Variants in STK36 observed in about 807,000 individuals in gnomAD.
STK36 encodes serine/threonine kinase 36.
A neutral mutation model predicts 142.2 loss-of-function variants in STK36; 116 were observed. The ratio of observed to expected loss-of-function variants is 0.82; its 90% CI spans 0.70 to 0.95. The LOEUF (loss-of-function observed/expected upper bound fraction) is 0.95. Among genes scored for constraint, STK36 ranks in the 40% least tolerant of loss-of-function variants. STK36 has a pLI of 0.00. For missense variants in STK36, 1,422 were observed against 1,617.2 expected, an observed-to-expected ratio of 0.88 and a Z score of 2.07; for synonymous variants, 619 against 641.7, an observed-to-expected ratio of 0.96 and a Z score of 0.53.
chr2:218,692,905 A>G (rs1941070914), intron 16 of STK36, among the ~76,000 whole-genome samples, 195 bp downstream of exon 16: 1 of 152,202 alleles, frequency 6.6e-6, no homozygotes. Context: ...CCAGTTGGTG[A>G]GGGAGAGAGC....
rs563717154 is a variant in STK36, at chr2:218,679,611, T to C, written c.830T>C (p.Leu277Pro). 6.2e-7 allele frequency: 1 copy of C among 1,614,166 alleles called. No individual in the cohort carries two copies. The highest frequency in any genetic ancestry group is 1.3e-5 in the African/African-American group (1 of 75,042). The change falls in exon 8 of 27, where the codon CTA becomes CCA. Residue 277 changes from leucine to proline, a missense_variant. Physicochemically the swap from Leu to Pro is moderately conservative, Grantham distance 98 (BLOSUM62 -3). Around this residue, in one of 2 missense-constraint regions of STK36, gnomAD observed 460 missense variants for 449.6 expected, o/e 1.02. Transcript: ENST00000295709. ...TTGGGGACCCCATTCACCAGCCGCC[T>C]ACCCCCAGAACTTCAGGTCCTAAAG... The part of the protein sequence containing the change: ...PDLGTPFTSR[L>P]PPELQVLKDE...
chr2:218,698,522 C>T (rs1941319049), intron 25 of STK36, 80 bp from the exon 26 acceptor site: 4 of 1,526,666 alleles, frequency 2.6e-6, no homozygotes, highest in Admixed American at 2.0e-5. Flanking sequence ...CTTGGCTTTT[C>T]TCTCTCCCAG....
At position 218,690,482 on chromosome 2, in the gene STK36, T is replaced by C. The variant is rs1940956648; in HGVS notation, c.1691T>C (p.Phe564Ser). Reference sequence around the variant, plus strand: ...GTGTTTCAGGAGGCTGCCAACCTTTTTCTGGACCTGTTGGGGAAACTGCTG... The same window carrying C: ...GTGTTTCAGGAGGCTGCCAACCTTTCTCTGGACCTGTTGGGGAAACTGCTG... ...LQVFQEAANLFLDLLGKLLAQ... is the reference protein window; with the variant it reads ...LQVFQEAANLSLDLLGKLLAQ... The change falls in exon 14 of 27, where the codon TTT becomes TCT. Residue 564 changes from phenylalanine (F) to serine (S), a missense_variant. By Grantham distance (155) the Phe-to-Ser change is radical (BLOSUM62 -2). Coordinates refer to ENST00000295709, the MANE Select transcript of STK36 (RefSeq NM_015690.5). 6.2e-7 allele frequency: 1 copy of C among 1,614,146 alleles called. No individual in the cohort carries two copies. Among genetic ancestry groups the C allele is most frequent in the Non-Finnish European group, 8.5e-7 (1 of 1,180,016 alleles).
At chr2:218,698,493 G>C (rs934159777) in intron 25 of STK36, 109 bp from the exon 26 acceptor site, 9 of 1,376,526 alleles carry the variant, frequency 6.5e-6, no homozygotes, top group Non-Finnish European at 8.9e-6. Flanking sequence ...CCAGCTCTCT[G>C]TGGCATTTCT....
Position 218,694,028 on chromosome 2 carries a change from A to G in STK36, c.2336+45A>G. ...GTCTCCACAGAAGTCTTCTAGCCAC[A>G]TAGCTAACCCTCACAAAGAGTATGG... On this transcript the variant is annotated intron_variant, in intron 19 of 26. Transcript: ENST00000295709. This position sits in a 1 kb window ranked among gnomAD's most constrained non-coding sequence, Gnocchi z 4.4. 6.4e-7 allele frequency: 1 copy of G among 1,572,852 alleles called. No individual in the cohort carries two copies. Among genetic ancestry groups the G allele is most frequent in the Non-Finnish European group, 8.8e-7 (1 of 1,142,620 alleles).
intron 5 of STK36, 47 bp downstream of exon 5, chr2:218,675,520 C>CTTTT (rs33970984): frequency 5.6e-5 from 64 of 1,148,056 alleles, no homozygotes; most frequent in East Asian, 6.9e-5. Context: ...CACACGGAAT[C>CTTTT]TTTTTTTTTT....
chr2:218,695,527 CTTTT>C (rs964956273), intron 21 of STK36, among the ~76,000 whole-genome samples: 1 of 73,050 alleles, frequency 1.4e-5, no homozygotes, highest in Non-Finnish European at 2.4e-5. Flanking sequence ...CATGTCCAGT[CTTTT>C]TTTTTTTTTT....
chr2:218,697,515 G>A lies in STK36; in HGVS notation c.2814G>A (p.Gln938=). Residue 938 remains glutamine (Q), a synonymous_variant, in exon 24 of 27, where the codon CAG becomes CAA. Transcript: ENST00000295709. The part of the protein sequence containing the change: ...LAMATFTQEP[Q]LCLSCLSQHG... Reference sequence around the variant, plus strand: ...TGGCCACCTTTACCCAGGAGCCCCAGTTATGCCTGAGCTGCCTGTCCCAGC... The same window carrying A: ...TGGCCACCTTTACCCAGGAGCCCCAATTATGCCTGAGCTGCCTGTCCCAGC... 6.2e-7 allele frequency: 1 copy of A among 1,614,226 alleles called. No individual in the cohort carries two copies. The highest frequency in any genetic ancestry group is 8.5e-7 in the Non-Finnish European group (1 of 1,180,044).
chr2:218,672,288 A>G, intron 1 of STK36, 73 bp downstream of exon 1: 1 of 466,244 alleles, frequency 2.1e-6, no homozygotes, highest in Non-Finnish European at 3.9e-6. Context: ...CAACGTATGC[A>G]GGCAGCCAGA....
In STK36 at chr2:218,698,921, GGGCACACACTTATAGGCTC is replaced by G. The variant is rs1941340387; in HGVS notation, c.3378_3396del (p.Ala1127TrpfsTer65). ...CTGGGCCACCCAGAGAATTCTGTGC[GGGCACACACTTATAGGCTC>G]CTGGGACACTTGCTCCAACACAGCA... On this transcript the variant is annotated frameshift_variant, in exon 26 of 27. Coordinates refer to ENST00000295709, the MANE Select transcript of STK36 (RefSeq NM_015690.5). LOFTEE classifies it high-confidence loss of function. 3.1e-6 allele frequency: 5 copies of G among 1,613,984 alleles called. No individual in the cohort carries two copies. Among genetic ancestry groups the G allele is most frequent in the Non-Finnish European group, 4.2e-6 (5 of 1,180,010 alleles).
intron 4 of STK36, 52 bp downstream of exon 4, chr2:218,674,008 G>C: frequency 6.4e-7 from 1 of 1,558,958 alleles, no homozygotes; most frequent in Non-Finnish European, 8.8e-7. Flanking sequence ...CTCCAGGTTA[G>C]AGAACTGGTA....
chr2:218,696,789 T>TC (rs1397971928), intron 22 of STK36, 188 bp downstream of exon 22: 2 of 891,040 alleles, frequency 2.2e-6, no homozygotes, highest in East Asian at 4.8e-5. Flanking sequence ...ATTCGCTGCG[T>TC]CCCCTGGGAT....
chr2:218,681,149 A>G (rs1221910119), intron 10 of STK36, among the ~76,000 whole-genome samples: 2 of 146,884 alleles, frequency 1.4e-5, no homozygotes, highest in Non-Finnish European at 1.5e-5. Context: ...TTTTTTCGAG[A>G]CAGAGTCTCA....
At chr2:218,681,167 G>A (rs1940504427) in intron 10 of STK36, among the ~76,000 whole-genome samples, 2 of 145,176 alleles carry the variant, frequency 1.4e-5, no homozygotes, top group South Asian at 2.2e-4. Context: ...TCACCCTGTC[G>A]CCCAGGCTGG....
rs764482109 is a variant in STK36 at position 218,694,652 on chromosome 2, A to G, written c.2511+17A>G. The G allele has an allele frequency of 1.2e-6, 2 of 1,607,604 alleles. No homozygotes were observed. The highest frequency in any genetic ancestry group is 1.7e-6 in the Non-Finnish European group (2 of 1,174,008). On this transcript the variant is annotated intron_variant, in intron 21 of 26. Transcript: ENST00000295709. The surrounding 1 kb of genome is among the most constrained non-coding windows in gnomAD (Gnocchi z 4.4). ...CCTGCAGAGGTGAGGCCCCCCAGGG[A>G]GGGCACAGACATGTTTTCTCTGAGT...
intron 14 of STK36, 49 bp from the exon 15 acceptor site, chr2:218,692,094 G>T: frequency 6.3e-7 from 1 of 1,581,976 alleles, no homozygotes; most frequent in Non-Finnish European, 8.6e-7. Context: ...TTTACACTAA[G>T]CCCAGTCTTC....
At chr2:218,684,285 A>C (rs1438208819) in intron 10 of STK36, among the ~76,000 whole-genome samples, 1 of 137,232 alleles carries the variant, frequency 7.3e-6, no homozygotes, top group African/African-American at 2.8e-5. Flanking sequence ...CTAATTTTGT[A>C]TTTTTAGTAG....
Position 218,680,201 on chromosome 2 carries a change from G to T in STK36, c.1136+121G>T, listed in dbSNP as rs532778500. ...ACTGCCTAAACATGGATAGAGCCTC[G>T]AGAGTCTGAGTCCTGGATTCTTGGA... On this transcript the variant is annotated intron_variant, in intron 9 of 26. Transcript: ENST00000295709. 1.4e-5 allele frequency: 13 copies of T among 900,006 alleles called. No homozygotes were observed. In the South Asian group the frequency reaches 2.1e-4, roughly 14 times the overall value. 55.8% of individuals were successfully genotyped at this position (900,006 alleles called of 1,614,324 possible). A position where few individuals can be genotyped will look rare whatever the true frequency, so the allele number is the denominator to read the frequency against.
In STK36 at chr2:218,693,796, C is replaced by A; in HGVS notation, c.2222C>A (p.Ser741Tyr). The A allele has an allele frequency of 1.9e-6, 3 of 1,614,146 alleles. No homozygotes were observed. Among genetic ancestry groups the A allele is most frequent in the Non-Finnish European group, 2.5e-6 (3 of 1,180,046 alleles). The change falls in exon 18 of 27, where the codon TCC becomes TAC. Residue 741 changes from serine to tyrosine, a missense_variant. Physicochemically the swap from Ser to Tyr is moderately radical, Grantham distance 144 (BLOSUM62 -2). Transcript: ENST00000295709. ...GGGCAGGAGCCCCTGGCCTTGGAAT[C>A]CCTGTTTATGTTGATTCAGGGCAAG... ...LLGQEPLALE[S>Y]LFMLIQGKVK...
Sources: gnomAD v4.1 joint callset for allele counts (sites outside exome capture counted in the v4.1 genomes callset) on GRCh38, gnomAD v4.1.1 for gene constraint, gnomAD v4.1.1 regional missense constraint, Gnocchi (gnomAD v3.1) non-coding constraint, MANE v1.5 for transcripts, NCBI Gene and HGNC (gene_info 2026-07-23, HGNC 2026-07-21) for gene names.